RUNX1T1: variants seen among roughly 807,000 people sequenced by gnomAD.
RUNX1T1 encodes the protein protein CBFA2T1.
Under a neutral mutation model 62.8 loss-of-function variants are expected in RUNX1T1, and 4 were observed. That is an observed-to-expected ratio of 0.06 (90% CI 0.03 to 0.15). The LOEUF is 0.15. Among genes scored for constraint, RUNX1T1 ranks in the 10% least tolerant of loss-of-function variants. RUNX1T1 has a pLI of 1.00. For synonymous variants in RUNX1T1, 291 were observed against 286.0 expected (o/e 1.02, Z -0.18); for missense variants, 508 against 754.3 (o/e 0.67, Z 3.82).
chr8:91,973,132 T>C (rs1471980464), intron 9 of RUNX1T1, among the ~76,000 whole-genome samples: 1 of 151,920 alleles, frequency 6.6e-6, no homozygotes, highest in Admixed American at 6.6e-5. Flanking sequence ...AAGTCTTGAT[T>C]TGGTAACTGT....
intron 1 of RUNX1T1, among the ~76,000 whole-genome samples, chr8:92,037,391 C>A (rs901868702): frequency 6.6e-6 from 1 of 152,106 alleles, no homozygotes; most frequent in Non-Finnish European, 1.5e-5. Context: ...TAAACAAGTC[C>A]TTCTCATCAG....
chr8:92,054,386 T>TG lies in RUNX1T1; in HGVS notation c.7+8159dup, dbSNP rs1245055248. On this transcript the variant is annotated intron_variant, in intron 1 of 10. Transcript: ENST00000396218. The stretch of plus-strand genomic sequence containing the variant: ...AAGCATAACACTTGGCACTGTTTTG[T>TG]GGGGGGTTAAACACTGTCTCCTATT... 2.0e-5 allele frequency among the ~76,000 whole-genome samples: 3 copies of TG among 152,236 alleles called. No homozygotes were observed. In the East Asian group the frequency reaches 5.8e-4, roughly 29 times the overall value.
At chr8:91,965,560 A>G (rs910729734) in intron 10 of RUNX1T1, among the ~76,000 whole-genome samples, 1 of 151,998 alleles carries the variant, frequency 6.6e-6, no homozygotes, top group Non-Finnish European at 1.5e-5. Context: ...CTTCTTCCTG[A>G]GCTTTGTGCT....
upstream of RUNX1T1, among the ~76,000 whole-genome samples, chr8:92,102,552 C>T (rs1417025094): frequency 6.6e-6 from 1 of 152,050 alleles, no homozygotes; most frequent in Non-Finnish European, 1.5e-5. This position sits in a 1 kb window ranked among gnomAD's most constrained non-coding sequence, Gnocchi z 4.5. Flanking sequence ...TCTTCCTGCT[C>T]GCATACCGTG....
chr8:92,097,500 G>C (rs376082895), intron 1 of RUNX1T1, among the ~76,000 whole-genome samples: 3 of 152,110 alleles, frequency 2.0e-5, no homozygotes, highest in African/African-American at 7.2e-5. Flanking sequence ...GATCAGCTTG[G>C]ACACAGACTA....
At chr8:91,959,354 C>T in exon 11 of RUNX1T1, 1 of 223,318 alleles carries the variant, frequency 4.5e-6, no homozygotes. Flanking sequence ...TTATTTAGGG[C>T]AGCTGGCTGA....
rs141395157 is a variant in RUNX1T1, at chr8:92,017,377, C to T, written c.8-14G>A. On this transcript the variant is annotated splice_polypyrimidine_tract_variant and intron_variant, in intron 1 of 10. Coordinates refer to ENST00000396218, the Ensembl canonical transcript of RUNX1T1. Reference sequence around the variant, plus strand: ...TCTCAGTACGATCTGGAGGATGCCACCAGGAACATATTATTTTACTCCTTA... The same window carrying T: ...TCTCAGTACGATCTGGAGGATGCCATCAGGAACATATTATTTTACTCCTTA... 23,840 of 1,613,750 alleles carry T rather than the reference C, an allele frequency of 0.015. 238 individuals carry two copies. Among genetic ancestry groups the T allele is most frequent in the Middle Eastern group, 0.026 (159 of 6,058 alleles).
chr8:91,983,172 A>G (rs973893213), intron 8 of RUNX1T1, among the ~76,000 whole-genome samples: 3 of 151,444 alleles, frequency 2.0e-5, no homozygotes, highest in African/African-American at 7.3e-5. Flanking sequence ...CGACCTCGTG[A>G]TCCGTCTGCC....
intron 1 of RUNX1T1, chr8:92,017,676 T>G: frequency 8.1e-7 from 1 of 1,241,430 alleles, no homozygotes; most frequent in Non-Finnish European, 1.0e-6. Flanking sequence ...AAGCCAATGT[T>G]AGCAAGAGGT....
intron 2 of RUNX1T1, among the ~76,000 whole-genome samples, chr8:92,069,076 T>C (rs762603199): frequency 1.1e-4 from 16 of 152,184 alleles, no homozygotes; most frequent in Non-Finnish European, 1.9e-4. Flanking sequence ...TGATAATGTC[T>C]ATTCTTAAAA....
intron 5 of RUNX1T1, among the ~76,000 whole-genome samples, chr8:91,999,567 T>C (rs186741518): frequency 6.6e-6 from 1 of 152,274 alleles, no homozygotes; most frequent in African/African-American, 2.4e-5. Context: ...GGCATTTGAG[T>C]CTGAGAACCC....
Position 92,029,679 on chromosome 8 carries a change from C to A in RUNX1T1, c.8-12316G>T, listed in dbSNP as rs148355432. ...GCCTCCTCCATGTGCCTCTCCATTT[C>A]CACTGCCACCACTAGCATACAAGCC... On this transcript the variant is annotated intron_variant, in intron 1 of 10. Coordinates refer to ENST00000396218, the Ensembl canonical transcript of RUNX1T1. 2.8e-3 allele frequency among the ~76,000 whole-genome samples: 429 copies of A among 152,266 alleles called. 3 individuals carry two copies. Among genetic ancestry groups the A allele is most frequent in the African/African-American group, 9.9e-3 (413 of 41,550 alleles).
chr8:92,095,541 A>C (rs1837667922), intron 1 of RUNX1T1: 1 of 1,477,182 alleles, frequency 6.8e-7, no homozygotes, highest in Non-Finnish European at 8.9e-7. Flanking sequence ...TTACAATATC[A>C]GCAGGGCCCA....
At chr8:91,986,060 T>C (rs1816490658) in intron 8 of RUNX1T1, 64 bp downstream of exon 9, 2 of 1,075,208 alleles carry the variant, frequency 1.9e-6, no homozygotes, top group Non-Finnish European at 2.9e-6. Flanking sequence ...AAAATAAAAA[T>C]GAAGTCAGCA....
chr8:92,102,309 C>G (rs1838074964), upstream of RUNX1T1, among the ~76,000 whole-genome samples: 1 of 152,128 alleles, frequency 6.6e-6, no homozygotes, highest in African/African-American at 2.4e-5. This position sits in a 1 kb window ranked among gnomAD's most constrained non-coding sequence, Gnocchi z 4.5. Flanking sequence ...CTAAGCAAAC[C>G]CCCACCCTAG....
chr8:92,054,904 C>G (rs1384476345), intron 1 of RUNX1T1, among the ~76,000 whole-genome samples: 5 of 152,102 alleles, frequency 3.3e-5, no homozygotes, highest in Non-Finnish European at 7.4e-5. Flanking sequence ...ACTAGGGAGG[C>G]TGAAGCAGGG....
chr8:92,029,853 T>C (rs1288863898), intron 1 of RUNX1T1, among the ~76,000 whole-genome samples: 4 of 152,178 alleles, frequency 2.6e-5, no homozygotes, highest in East Asian at 3.9e-4. Flanking sequence ...TACTGAGCTA[T>C]ATAAAATGTG....
chr8:91,958,733 A>G (rs1809752760), downstream of RUNX1T1: 3 of 165,800 alleles, frequency 1.8e-5, 1 homozygote, highest in South Asian at 6.0e-4. Context: ...TTGCTCAAAA[A>G]AAAAAAAAAA....
At position 91,975,986 on chromosome 8, in the gene RUNX1T1, TG is replaced by T; in HGVS notation, c.1199-14del. On this transcript the variant is annotated splice_polypyrimidine_tract_variant and intron_variant, in intron 8 of 10. Transcript: ENST00000396218. ...TCCCGATGCGCGTCTATGAAAAGGA[TG>T]GGAAGGGGGTGGAGAGAGGAGGAGA... 1 of 1,604,634 alleles carries T rather than the reference TG, an allele frequency of 6.2e-7. No individual in the cohort carries two copies. The highest frequency in any genetic ancestry group is 1.1e-5 in the South Asian group (1 of 90,882).
Sources: allele counts gnomAD v4.1 joint callset (sites outside exome capture counted in the v4.1 genomes callset), GRCh38; gene constraint gnomAD v4.1.1; non-coding constraint Gnocchi (gnomAD v3.1); transcripts MANE v1.5; gene names NCBI Gene and HGNC (gene_info 2026-07-23, HGNC 2026-07-21).